The following MAP3K21 variants were observed in gnomAD, a reference collection of about 807,000 sequenced individuals.
MAP3K21 encodes mitogen-activated protein kinase kinase kinase MLK4.
MAP3K21 carries 63 observed loss-of-function variants against 86.1 expected under a neutral mutation model. The observed-to-expected ratio is 0.73, with a 90% confidence interval of 0.60 to 0.90. MAP3K21 has a LOEUF of 0.90. MAP3K21 is among the 40% of genes least tolerant of loss of function. The pLI, the probability that MAP3K21 is intolerant of heterozygous loss-of-function variation, is 0.00. For synonymous variants in MAP3K21, 558 were observed against 564.8 expected, an observed-to-expected ratio of 0.99 and a Z score of 0.17; for missense variants, 1,220 against 1,367.7, an observed-to-expected ratio of 0.89 and a Z score of 1.70.
chr1:233,336,813 A>G (rs1662924897), intron 1 of MAP3K21, among the ~76,000 whole-genome samples: 1 of 152,186 alleles, frequency 6.6e-6, no homozygotes, highest in African/African-American at 2.4e-5. Flanking sequence ...AGATTTATGG[A>G]TTCCTTCTTA....
rs1663873657 is a variant in MAP3K21, at chr1:233,379,587, G to A, written c.2581G>A (p.Val861Ile). Residue 861 changes from valine to isoleucine, a missense_variant, in exon 9 of 10, where the codon GTA becomes ATA. Around this residue, in one of 5 missense-constraint regions of MAP3K21, gnomAD observed 632 missense variants for 691.3 expected, o/e 0.91. Transcript: ENST00000366624. ...GCCAAGACTTGACACTGATTGTAGT[G>A]TATCAAGAAACTTGCCGTCTTCCTT... ...LMPRLDTDCS[V>I]SRNLPSSFLQ... 6.2e-7 allele frequency: 1 copy of A among 1,614,188 alleles called. No homozygotes were observed. The highest frequency in any genetic ancestry group is 8.5e-7 in the Non-Finnish European group (1 of 1,180,038).
chr1:233,334,748 C>CA (rs1051018430), intron 1 of MAP3K21, among the ~76,000 whole-genome samples: 2 of 152,162 alleles, frequency 1.3e-5, no homozygotes, highest in Non-Finnish European at 2.9e-5. Context: ...TGCAAGAAAA[C>CA]ACATCTACAG....
At position 233,347,870 on chromosome 1, in the gene MAP3K21, C is replaced by T. The variant is rs747187526; in HGVS notation, c.986+1248C>T. ...AGGTAATACACCTGCATGTGTACTCCGTGAATCTGAAATAAAAGTTGAGAA... is the reference window on the plus strand; with the variant it reads ...AGGTAATACACCTGCATGTGTACTCTGTGAATCTGAAATAAAAGTTGAGAA... On this transcript the variant is annotated intron_variant, in intron 2 of 9. Coordinates refer to ENST00000366624, the MANE Select transcript of MAP3K21 (RefSeq NM_032435.3). 5.3e-4 allele frequency among the ~76,000 whole-genome samples: 80 copies of T among 151,880 alleles called. 1 individual carries two copies. The highest frequency in any genetic ancestry group is 1.9e-3 in the African/African-American group (77 of 41,308).
chr1:233,365,975 T>A (rs1308697131), intron 5 of MAP3K21, among the ~76,000 whole-genome samples: 5 of 152,154 alleles, frequency 3.3e-5, no homozygotes, highest in Non-Finnish European at 5.9e-5. Flanking sequence ...ATTAAGACAA[T>A]GTGGTGTGTT....
chr1:233,334,041 A>G lies in MAP3K21; in HGVS notation c.805+5208A>G, dbSNP rs532982730. On this transcript the variant is annotated intron_variant, in intron 1 of 9. Coordinates refer to ENST00000366624, the MANE Select transcript of MAP3K21 (RefSeq NM_032435.3). ...CCACGCCCAGCTAATTTTTTTTTGT[A>G]TTTTTAGTAGAGATGGGGTTTCACC... Among the ~76,000 whole-genome samples, 5 of 150,980 alleles carry G rather than the reference A, an allele frequency of 3.3e-5. No homozygotes were observed. The East Asian group carries it at 7.8e-4, about 24-fold the overall frequency.
chr1:233,380,060 TCGCCTCC>T (rs1663885239), intron 9 of MAP3K21, among the ~76,000 whole-genome samples: 1 of 152,200 alleles, frequency 6.6e-6, no homozygotes, highest in Non-Finnish European at 1.5e-5. Flanking sequence ...AACTGGCCTC[TCGCCTCC>T]CTGCGGGCCT....
chr1:233,351,214 A>C (rs1219924970), intron 2 of MAP3K21, among the ~76,000 whole-genome samples: 2 of 152,192 alleles, frequency 1.3e-5, no homozygotes, highest in African/African-American at 4.8e-5. Context: ...GAAAATTATC[A>C]AAAGGAAACA....
In MAP3K21 at chr1:233,354,857, A is replaced by G; in HGVS notation, c.1157A>G (p.His386Arg). The stretch of plus-strand genomic sequence containing the variant: ...TTAGAATGCTGGCAACAAGACCCTC[A>G]TATTCGTCCATCGTTTGCCTTAATT... Reference protein sequence around the residue: ...LMKECWQQDPHIRPSFALILE... With the variant: ...LMKECWQQDPRIRPSFALILE... The change falls in exon 4 of 10, where the codon CAT becomes CGT. Residue 386 changes from histidine to arginine, a missense_variant. By Grantham distance (29) the His-to-Arg change is conservative. Transcript: ENST00000366624. 6.2e-7 allele frequency: 1 copy of G among 1,614,070 alleles called. No homozygotes were observed. The highest frequency in any genetic ancestry group is 1.1e-5 in the South Asian group (1 of 91,068).
intron 8 of MAP3K21, among the ~76,000 whole-genome samples, chr1:233,377,010 A>G (rs1175899162): frequency 6.6e-6 from 1 of 152,102 alleles, no homozygotes; most frequent in African/African-American, 2.4e-5. Flanking sequence ...CAAGAGAATC[A>G]CTTGCACCTG....
intron 4 of MAP3K21, among the ~76,000 whole-genome samples, chr1:233,357,632 G>A (rs1663386139): frequency 6.6e-6 from 1 of 152,070 alleles, no homozygotes; most frequent in Non-Finnish European, 1.5e-5. Context: ...GTCTGACTGC[G>A]AGCATCATGT....
intron 1 of MAP3K21, among the ~76,000 whole-genome samples, chr1:233,340,197 T>C (rs78631027): frequency 0.013 from 1,969 of 152,312 alleles, 20 homozygotes; most frequent in Middle Eastern, 0.041. Context: ...ACTCATCTAA[T>C]ATTGGAGCAG....
chr1:233,369,505 A>G (rs939628140), intron 5 of MAP3K21, among the ~76,000 whole-genome samples: 1 of 152,214 alleles, frequency 6.6e-6, no homozygotes, highest in African/African-American at 2.4e-5. Context: ...TTCTTCCAGG[A>G]ATTGAAAAAA....
intron 5 of MAP3K21, among the ~76,000 whole-genome samples, chr1:233,368,314 C>T (rs1004035656): frequency 5.3e-5 from 8 of 152,114 alleles, no homozygotes; most frequent in Non-Finnish European, 1.0e-4. Flanking sequence ...CTAGTCTAGT[C>T]AATTTTTTAC....
chr1:233,328,850 G>A lies in MAP3K21; in HGVS notation c.805+17G>A, dbSNP rs1662760539. ...CCAGCAACAGTAAGTGGGGCCAGAG[G>A]GAGGTGGGGGAAGACTACCTCCGTG... On this transcript the variant is annotated intron_variant, in intron 1 of 9. Coordinates refer to ENST00000366624, the MANE Select transcript of MAP3K21 (RefSeq NM_032435.3). This position sits in a 1 kb window ranked among gnomAD's most constrained non-coding sequence, Gnocchi z 8.7. 3 of 1,489,430 alleles carry A rather than the reference G, an allele frequency of 2.0e-6. No individual in the cohort carries two copies. The highest frequency in any genetic ancestry group is 4.5e-5 in the Admixed American group (2 of 44,814). The allele number at this position is 1,489,430 out of a possible 1,614,324, so 92.3% of individuals were successfully genotyped here.
chr1:233,328,743 A>T lies in MAP3K21; in HGVS notation c.715A>T (p.Asn239Tyr). Reference protein sequence around the residue: ...ARRIPPHVLVNWAVQIARGML... With the variant: ...ARRIPPHVLVYWAVQIARGML... ...CCGCATCCCTCCGCACGTGCTGGTCAACTGGGCCGTGCAGATAGCGCGGGG... is the reference window on the plus strand; with the variant it reads ...CCGCATCCCTCCGCACGTGCTGGTCTACTGGGCCGTGCAGATAGCGCGGGG... The change falls in exon 1 of 10, where the codon AAC becomes TAC. Residue 239 changes from asparagine to tyrosine, a missense_variant. Physicochemically the swap from Asn to Tyr is moderately radical, Grantham distance 143. Coordinates refer to ENST00000366624, the MANE Select transcript of MAP3K21 (RefSeq NM_032435.3). The surrounding 1 kb of genome is among the most constrained non-coding windows in gnomAD (Gnocchi z 8.7). 6.7e-7 allele frequency: 1 copy of T among 1,501,910 alleles called. No homozygotes were observed. The allele number at this position is 1,501,910 out of a possible 1,614,324, so 93.0% of individuals were successfully genotyped here.
intron 2 of MAP3K21, among the ~76,000 whole-genome samples, chr1:233,349,233 GTAATT>G (rs111240609): frequency 3.3e-5 from 5 of 152,154 alleles, no homozygotes; most frequent in African/African-American, 1.2e-4. Flanking sequence ...TAGTAATTTA[GTAATT>G]TAATTTAGTA....
intron 1 of MAP3K21, among the ~76,000 whole-genome samples, chr1:233,336,598 C>T (rs1211182844): frequency 1.3e-5 from 2 of 151,966 alleles, no homozygotes; most frequent in African/African-American, 4.8e-5. Flanking sequence ...AAATTATTCA[C>T]TTACAAAAAT....
chr1:233,339,283 TTCTTCTTCC>T lies in MAP3K21; in HGVS notation c.806-7150_806-7142del, dbSNP rs1558450936. 2.7e-3 allele frequency among the ~76,000 whole-genome samples: 254 copies of T among 92,418 alleles called. 13 individuals carry two copies. The highest frequency in any genetic ancestry group is 4.7e-3 in the South Asian group (13 of 2,758). The allele number at this position is 92,418 out of a possible 152,430, so 60.6% of individuals were successfully genotyped here. On this transcript the variant is annotated intron_variant, in intron 1 of 9. Transcript: ENST00000366624. ...CTTCTTCTTCCTCTTCTTCTTCTTC[TTCTTCTTCC>T]TCTTCTTCTTCCTCTTCTTCTTCCT... is the stretch of plus-strand genomic sequence containing the variant.
rs982995030 is a variant in MAP3K21, at chr1:233,383,937, C to T, written c.*1226C>T. On this transcript the variant is annotated 3_prime_UTR_variant, in exon 10 of 10. Coordinates refer to ENST00000366624, the MANE Select transcript of MAP3K21 (RefSeq NM_032435.3). The stretch of plus-strand genomic sequence containing the variant: ...ATTATCTATGAATCACTTTTATGGT[C>T]ATACATATATGATACAAATCCAGAG... 1.3e-5 allele frequency: 2 copies of T among 152,098 alleles called. No individual in the cohort carries two copies. Among genetic ancestry groups the T allele is most frequent in the African/African-American group, 4.8e-5 (2 of 41,424 alleles). 9.4% of individuals were successfully genotyped at this position (152,098 alleles called of 1,614,324 possible). A position where few individuals can be genotyped will look rare whatever the true frequency, so the allele number is the denominator to read the frequency against.
Sources: allele counts gnomAD v4.1 joint callset (sites outside exome capture counted in the v4.1 genomes callset), GRCh38; gene constraint gnomAD v4.1.1; regional missense constraint gnomAD v4.1.1; non-coding constraint Gnocchi (gnomAD v3.1); transcripts MANE v1.5; gene names NCBI Gene and HGNC (gene_info 2026-07-23, HGNC 2026-07-21).